The following EED variants were observed in gnomAD, a reference collection of about 807,000 sequenced individuals.
The protein encoded by EED is embryonic ectoderm development.
In EED, 9 loss-of-function variants were observed where a neutral mutation model predicts 61.0. That is an observed-to-expected ratio of 0.15 (90% confidence interval 0.09 to 0.26). The LOEUF is 0.26. Ranked by LOEUF, EED falls within the 10% of genes least tolerant of loss-of-function variation. EED has a pLI of 1.00. For missense variants in EED, 315 were observed against 542.3 expected (o/e 0.58, Z 4.16); for synonymous variants, 187 against 174.4 (o/e 1.07, Z -0.57).
chr11:86,253,979 C>T (rs1173868998), intron 3 of EED, among the ~76,000 whole-genome samples: 1 of 127,470 alleles, frequency 7.8e-6, no homozygotes, highest in Non-Finnish European at 1.6e-5. Flanking sequence ...ATCCGGGAGG[C>T]AGAGGTTGCA....
Position 86,256,526 on chromosome 11 carries a change from GTTAAA to G in EED, c.552+17_552+21del. ...CAGTGTATAAAGGTGGGTTTTTCTG[GTTAAA>G]TTGTAGATCTGCTTCTTTTGAATCC... On this transcript the variant is annotated intron_variant, in intron 5 of 11. Coordinates refer to ENST00000263360, the MANE Select transcript of EED (RefSeq NM_003797.5). The G allele has an allele frequency of 6.5e-7, 1 of 1,537,992 alleles. No individual in the cohort carries two copies.
chr11:86,259,653 A>C (rs1404095656), intron 6 of EED, among the ~76,000 whole-genome samples: 1 of 152,216 alleles, frequency 6.6e-6, no homozygotes, highest in East Asian at 1.9e-4. Flanking sequence ...TTATAGCTCA[A>C]CAATAAAAAG....
chr11:86,271,678 T>G (rs1167470763), intron 9 of EED, among the ~76,000 whole-genome samples: 2 of 152,200 alleles, frequency 1.3e-5, no homozygotes, highest in African/African-American at 2.4e-5. Flanking sequence ...TGTTCCTAAA[T>G]TTTTGAGAGC....
rs746796459 is a variant in EED, at chr11:86,244,801, G to A, written c.-429G>A. 1.3e-5 allele frequency: 3 copies of A among 235,314 alleles called. No individual in the cohort carries two copies. The highest frequency in any genetic ancestry group is 8.4e-6 in the Non-Finnish European group (1 of 119,070). The allele number at this position is 235,314 out of a possible 1,614,324, so 14.6% of individuals were successfully genotyped here. On this transcript the variant is annotated 5_prime_UTR_variant, in exon 1 of 12. Coordinates refer to ENST00000263360, the MANE Select transcript of EED (RefSeq NM_003797.5). ...GCAGCGGGTCGGAGATCGAAGGAAC[G>A]GGCCAATTGCGGCTGAAACGTCTTT...
At chr11:86,262,470 TA>T (rs1423346022) in intron 6 of EED, among the ~76,000 whole-genome samples, 1 of 152,214 alleles carries the variant, frequency 6.6e-6, no homozygotes, top group Non-Finnish European at 1.5e-5. Flanking sequence ...TTATTTAATT[TA>T]TTTTTTTGAG....
chr11:86,248,614 A>G lies in EED; in HGVS notation c.115-1682A>G, dbSNP rs185155832. 2.0e-5 allele frequency among the ~76,000 whole-genome samples: 3 copies of G among 152,362 alleles called. No homozygotes were observed. The East Asian group carries it at 5.8e-4, about 29-fold the overall frequency. On this transcript the variant is annotated intron_variant, in intron 1 of 11. Coordinates refer to ENST00000263360, the MANE Select transcript of EED (RefSeq NM_003797.5). ...ATATATGGAGTAAAGGAATGGAGAG[A>G]TGAATTCCAAATGGAGACAGAAACT...
intron 6 of EED, among the ~76,000 whole-genome samples, chr11:86,263,308 A>G (rs752771823): frequency 2.0e-5 from 3 of 152,004 alleles, no homozygotes; most frequent in Non-Finnish European, 4.4e-5. Flanking sequence ...ATTACCCTCA[A>G]TGCTCCACTC....
chr11:86,269,643 T>C (rs1946063825), intron 9 of EED, among the ~76,000 whole-genome samples: 3 of 152,232 alleles, frequency 2.0e-5, no homozygotes, highest in Admixed American at 2.0e-4. Context: ...CCAAAGTTTA[T>C]ATATTATATA....
chr11:86,249,416 A>G (rs1280222900), intron 1 of EED, among the ~76,000 whole-genome samples: 2 of 149,638 alleles, frequency 1.3e-5, no homozygotes, highest in African/African-American at 4.9e-5. Flanking sequence ...TCTGGAATGT[A>G]TTTTAGAACT....
chr11:86,252,813 T>G (rs111906134), intron 3 of EED, among the ~76,000 whole-genome samples: 5 of 152,160 alleles, frequency 3.3e-5, no homozygotes, highest in African/African-American at 1.2e-4. Flanking sequence ...CAGGATGGAG[T>G]GCAGTGGTTA....
intron 1 of EED, among the ~76,000 whole-genome samples, chr11:86,249,806 G>A (rs1429163939): frequency 6.6e-6 from 1 of 152,194 alleles, no homozygotes; most frequent in African/African-American, 2.4e-5. Context: ...TAATGTAGAA[G>A]CCATTAACAC....
chr11:86,282,896 A>G (rs1946339426), downstream of EED, among the ~76,000 whole-genome samples: 1 of 152,108 alleles, frequency 6.6e-6, no homozygotes, highest in African/African-American at 2.4e-5. Flanking sequence ...CTGAGAGGCT[A>G]AGGTGGACAG....
chr11:86,245,406 G>T (rs1193017321), intron 1 of EED, 63 bp downstream of exon 1: 8 of 1,373,728 alleles, frequency 5.8e-6, no homozygotes, highest in Middle Eastern at 3.6e-4. Context: ...TTTTAAAACG[G>T]GGGGCGCGGG....
In EED at chr11:86,278,001, T is replaced by C. The variant is rs79218214; in HGVS notation, c.1199+10T>C. 1.8e-4 allele frequency: 264 copies of C among 1,508,272 alleles called. 1 individual carries two copies. The East Asian group carries it at 5.3e-3, about 30-fold the overall frequency. 93.4% of individuals were successfully genotyped at this position (1,508,272 alleles called of 1,614,324 possible). On this transcript the variant is annotated intron_variant, in intron 11 of 11. Transcript: ENST00000263360. ...ATCCTCATAAAGCCAAGTAAGTATT[T>C]AGAAATTTCTGTTCAAAATTTCAGG...
chr11:86,258,449 G>C (rs1315259898), intron 6 of EED, among the ~76,000 whole-genome samples: 1 of 151,772 alleles, frequency 6.6e-6, no homozygotes, highest in Non-Finnish European at 1.5e-5. Flanking sequence ...CTTGTCTCTT[G>C]ATAACACTAA....
At chr11:86,280,717 G>T (rs1946313977), downstream of EED, among the ~76,000 whole-genome samples, 7 of 152,156 alleles carry the variant, frequency 4.6e-5, no homozygotes, top group Admixed American at 4.6e-4. Flanking sequence ...TGAGCAAATT[G>T]GGCTAATATA....
At chr11:86,283,661 C>A (rs1191265790), downstream of EED, among the ~76,000 whole-genome samples, 10 of 152,036 alleles carry the variant, frequency 6.6e-5, no homozygotes. Context: ...ATGAAAAATA[C>A]ATTTGTTGAA....
rs1946276466 is a variant in EED, at chr11:86,278,215, G to T, written c.1200-184G>T. On this transcript the variant is annotated intron_variant, in intron 11 of 11. Coordinates refer to ENST00000263360, the MANE Select transcript of EED (RefSeq NM_003797.5). ...TTTTTATACAAATTATGTAGTGCTT[G>T]TTGAACTTAAAATATATCTAAATTT... 2.2e-6 allele frequency: 3 copies of T among 1,334,698 alleles called. No homozygotes were observed. The Admixed American group carries it at 1.1e-4, about 47-fold the overall frequency. 82.7% of individuals were successfully genotyped at this position (1,334,698 alleles called of 1,614,324 possible). A position where few individuals can be genotyped will look rare whatever the true frequency, so the allele number is the denominator to read the frequency against.
At chr11:86,248,148 A>G (rs1286967231) in intron 1 of EED, among the ~76,000 whole-genome samples, 1 of 152,252 alleles carries the variant, frequency 6.6e-6, no homozygotes, top group Admixed American at 6.5e-5. Context: ...TCTGTTGCAC[A>G]GTATCATTCT....
Sources: allele counts gnomAD v4.1 joint callset (sites outside exome capture counted in the v4.1 genomes callset), GRCh38; gene constraint gnomAD v4.1.1; transcripts MANE v1.5; gene names NCBI Gene and HGNC (gene_info 2026-07-23, HGNC 2026-07-21).